The following PHACTR1 variants were observed in gnomAD, a reference collection of about 807,000 sequenced individuals.
PHACTR1 encodes phosphatase and actin regulator 1.
Under a neutral mutation model 69.2 loss-of-function variants are expected in PHACTR1, and 16 were observed. The ratio of observed to expected loss-of-function variants is 0.23; its 90% confidence interval spans 0.16 to 0.35. The LOEUF (loss-of-function observed/expected upper bound fraction) is 0.35. Among genes scored for constraint, PHACTR1 ranks in the 10% least tolerant of loss-of-function variants. PHACTR1 has a pLI of 1.00. For synonymous variants in PHACTR1, 312 were observed against 284.5 expected (o/e 1.10, Z -0.97); for missense variants, 510 against 734.7 (o/e 0.69, Z 3.54).
chr6:13,076,420 C>T (rs1312486789), intron 5 of PHACTR1, among the ~76,000 whole-genome samples: 2 of 152,152 alleles, frequency 1.3e-5, no homozygotes, highest in East Asian at 1.9e-4. Context: ...CCTGTTCATG[C>T]ATGCATGCAA....
chr6:12,920,140 A>G (rs998835429), intron 4 of PHACTR1, among the ~76,000 whole-genome samples: 2 of 152,230 alleles, frequency 1.3e-5, no homozygotes, highest in African/African-American at 4.8e-5. Context: ...TAACAGATAA[A>G]TATCTGCTCA....
intron 4 of PHACTR1, among the ~76,000 whole-genome samples, chr6:12,826,987 C>A (rs776055479): frequency 6.6e-6 from 1 of 152,136 alleles, no homozygotes; most frequent in South Asian, 2.1e-4. Flanking sequence ...CTGTGGGATA[C>A]CCACTTTCCC....
intron 4 of PHACTR1, among the ~76,000 whole-genome samples, chr6:12,781,620 C>T (rs1297685523): frequency 6.6e-6 from 1 of 152,174 alleles, no homozygotes; most frequent in African/African-American, 2.4e-5. Flanking sequence ...AAAAGCCTAG[C>T]CACAGGGAGG....
At chr6:12,935,362 G>A (rs1000435238) in intron 4 of PHACTR1, among the ~76,000 whole-genome samples, 17 of 152,078 alleles carry the variant, frequency 1.1e-4, no homozygotes, top group Non-Finnish European at 1.5e-5. Context: ...TCCTGCCTCA[G>A]CCTCCCGAGT....
intron 5 of PHACTR1, among the ~76,000 whole-genome samples, chr6:13,128,773 A>G (rs1295412047): frequency 6.6e-6 from 1 of 152,198 alleles, no homozygotes; most frequent in Non-Finnish European, 1.5e-5. Context: ...CTAGAGATCT[A>G]GACATCCAAA....
At chr6:12,830,092 GGAAAGAAAGAAA>G (rs201322567) in intron 4 of PHACTR1, among the ~76,000 whole-genome samples, 4,182 of 109,060 alleles carry the variant, frequency 0.038, 97 homozygotes, top group African/African-American at 0.072. Context: ...AAGGAAGGAG[GGAAAGAAAGAAA>G]GAAAGAAAGA....
At chr6:13,229,968 C>T (rs1221969720) in intron 9 of PHACTR1, 69 bp from the exon 10 acceptor site, 1 of 1,475,406 alleles carries the variant, frequency 6.8e-7, no homozygotes, top group Admixed American at 2.3e-5. Flanking sequence ...ATCTTATGAC[C>T]CAGGGTTGGC....
At chr6:13,008,863 G>A (rs183383420) in intron 4 of PHACTR1, among the ~76,000 whole-genome samples, 5 of 152,318 alleles carry the variant, frequency 3.3e-5, no homozygotes, top group Non-Finnish European at 4.4e-5. Flanking sequence ...GGAGTGTATT[G>A]TTTCCTAGGG....
chr6:13,020,358 A>G (rs1285244062), intron 4 of PHACTR1, among the ~76,000 whole-genome samples: 1 of 152,232 alleles, frequency 6.6e-6, no homozygotes, highest in Non-Finnish European at 1.5e-5. Flanking sequence ...TTATTCATGT[A>G]TCAAGCATTG....
chr6:13,182,631 C>G lies in PHACTR1; in HGVS notation c.609C>G (p.Pro203=). 6.2e-7 allele frequency: 1 copy of G among 1,608,680 alleles called. No homozygotes were observed. Among genetic ancestry groups the G allele is most frequent in the Non-Finnish European group, 8.5e-7 (1 of 1,177,572 alleles). ...CCGAAATGGAGCCAGTCCCAATGCC[C>G]AGGGATCCCTGCTCATATGAGGTGC... The part of the protein sequence containing the change: ...ALSEMEPVPM[P]RDPCSYEVLQ... Residue 203 remains proline, a synonymous_variant, in exon 7 of 15, where the codon CCC becomes CCG. Transcript: ENST00000332995.
chr6:13,172,483 G>C (rs770167642), intron 6 of PHACTR1, among the ~76,000 whole-genome samples: 10 of 152,200 alleles, frequency 6.6e-5, no homozygotes, highest in Non-Finnish European at 1.3e-4. Context: ...GAAGGCAGGG[G>C]AAGCAGCCCA....
intron 4 of PHACTR1, among the ~76,000 whole-genome samples, chr6:12,813,945 G>C (rs1433862624): frequency 1.3e-5 from 2 of 152,166 alleles, no homozygotes; most frequent in African/African-American, 4.8e-5. Flanking sequence ...AGCTGCACAG[G>C]GGATTCCTAA....
At chr6:12,944,796 T>TA (rs1194002732) in intron 4 of PHACTR1, among the ~76,000 whole-genome samples, 144 of 151,316 alleles carry the variant, frequency 9.5e-4, no homozygotes, top group Middle Eastern at 3.4e-3. Context: ...TATTTTTTTT[T>TA]TTTTGAGACG....
At chr6:12,797,040 T>TGTGTGTGTGTGTGAGA (rs563796658) in intron 4 of PHACTR1, among the ~76,000 whole-genome samples, 6,324 of 133,244 alleles carry the variant, frequency 0.047, 206 homozygotes, top group Non-Finnish European at 0.073. Context: ...TGTGTGTGTG[T>TGTGTGTGTGTGTGAGA]GAGAGAGAGA....
At chr6:13,001,034 C>T (rs1244853332) in intron 4 of PHACTR1, among the ~76,000 whole-genome samples, 1 of 152,158 alleles carries the variant, frequency 6.6e-6, no homozygotes, top group Non-Finnish European at 1.5e-5. Flanking sequence ...GTAATCAAAG[C>T]TAACTTAGTT....
At chr6:13,167,694 A>G (rs1022840803) in intron 6 of PHACTR1, among the ~76,000 whole-genome samples, 1 of 152,360 alleles carries the variant, frequency 6.6e-6, no homozygotes, top group African/African-American at 2.4e-5. Context: ...GCTGGAAATT[A>G]GAGATAACAT....
In PHACTR1 at chr6:12,858,485, A is replaced by C. The variant is rs181442107; in HGVS notation, c.250+108695A>C. Among the ~76,000 whole-genome samples the C allele has an allele frequency of 3.1e-3, 466 of 152,280 alleles. 1 individual carries two copies. Among genetic ancestry groups the C allele is most frequent in the African/African-American group, 0.011 (451 of 41,556 alleles). ...TGTATACTTCATAAGAATGTGGCTA[A>C]GTTTGGAGATAAAGTCTAGCTATAG... On this transcript the variant is annotated intron_variant, in intron 4 of 14. Transcript: ENST00000332995.
At chr6:12,790,507 T>G (rs1772134872) in intron 4 of PHACTR1, among the ~76,000 whole-genome samples, 1 of 152,218 alleles carries the variant, frequency 6.6e-6, no homozygotes, top group African/African-American at 2.4e-5. Context: ...TTCCCAGCCC[T>G]CTTGCTTTCG....
intron 4 of PHACTR1, among the ~76,000 whole-genome samples, chr6:12,785,777 G>T (rs571759828): frequency 2.6e-5 from 4 of 152,184 alleles, no homozygotes; most frequent in South Asian, 2.1e-4. Context: ...ATTTGTTTAT[G>T]TTATATGTAC....
Sources: allele counts gnomAD v4.1 joint callset (sites outside exome capture counted in the v4.1 genomes callset), GRCh38; gene constraint gnomAD v4.1.1; transcripts MANE v1.5; gene names NCBI Gene and HGNC (gene_info 2026-07-23, HGNC 2026-07-21).